The following HCN2 variants were observed in gnomAD, a reference collection of about 807,000 sequenced individuals.
HCN2 encodes the protein hyperpolarization activated cyclic nucleotide gated potassium and sodium channel 2, also known as potassium/sodium hyperpolarization-activated cyclic nucleotide-gated channel 2.
HCN2 carries 20 observed loss-of-function variants against 52.3 expected under a neutral mutation model. That is an observed-to-expected ratio of 0.38 (90% CI 0.27 to 0.56). HCN2 has a LOEUF of 0.56. HCN2 is among the 20% of genes least tolerant of loss of function. HCN2 has a pLI of 0.71. For missense variants in HCN2, 981 were observed against 1,207.7 expected, an observed-to-expected ratio of 0.81 and a Z score of 2.78; for synonymous variants, 694 against 537.0, an observed-to-expected ratio of 1.29 and a Z score of -4.04.
chr19:612,969 C>T (rs1444552192), intron 5 of HCN2, among the ~76,000 whole-genome samples: 1 of 152,124 alleles, frequency 6.6e-6, no homozygotes, highest in Non-Finnish European at 1.5e-5. Context: ...CGTGAGCCCC[C>T]GCACCCGGCC....
Position 592,229 on chromosome 19 carries a change from C to T in HCN2, c.632+1652C>T, listed in dbSNP as rs78430680. On this transcript the variant is annotated intron_variant, in intron 1 of 7. Transcript: ENST00000251287. The surrounding 1 kb of genome is among the most constrained non-coding windows in gnomAD (Gnocchi z 4.8). ...GCTGTAGAACGTGCCCACTCCCCTC[C>T]GTCCCCTCCAGCATGACCTTCGACA... 0.036 allele frequency among the ~76,000 whole-genome samples: 5,490 copies of T among 152,296 alleles called. 317 individuals carry two copies. The highest frequency in any genetic ancestry group is 0.12 in the African/African-American group (5,152 of 41,544).
chr19:616,272 C>T lies in HCN2; in HGVS notation c.2468C>T (p.Ser823Leu). The T allele has an allele frequency of 9.5e-7, 1 of 1,047,986 alleles. No homozygotes were observed. The highest frequency in any genetic ancestry group is 1.1e-6 in the Non-Finnish European group (1 of 873,380). The allele number at this position is 1,047,986 out of a possible 1,614,324, so 64.9% of individuals were successfully genotyped here. A position where few individuals can be genotyped will look rare whatever the true frequency, so the allele number is the denominator to read the frequency against. ...CGCGCGTCGCGCCCACTGTCCGCCT[C>T]GCAGCCCTCGCTGCCTCACGGCGCC... The part of the protein sequence containing the change: ...LSRASRPLSA[S>L]QPSLPHGAPG... Residue 823 changes from serine (S) to leucine (L), a missense_variant, in exon 8 of 8, where the codon TCG becomes TTG. Physicochemically the swap from Ser to Leu is moderately radical, Grantham distance 145. This residue lies in a region of HCN2 where 368 missense variants were observed against 314.8 expected (regional missense o/e 1.17). Coordinates refer to ENST00000251287, the MANE Select transcript of HCN2 (RefSeq NM_001194.4).
intron 1 of HCN2, among the ~76,000 whole-genome samples, chr19:595,768 G>C (rs1168679599): frequency 4.6e-5 from 7 of 152,128 alleles, no homozygotes; most frequent in African/African-American, 1.7e-4. Flanking sequence ...CTTAATCCTG[G>C]GCACCTGCCA....
At chr19:595,650 CTG>C (rs1444089458) in intron 1 of HCN2, among the ~76,000 whole-genome samples, 1 of 152,226 alleles carries the variant, frequency 6.6e-6, no homozygotes, top group Non-Finnish European at 1.5e-5. Context: ...GGGGCTGGGC[CTG>C]TGTGGTCATC....
chr19:602,197 TCTC>T (rs1259900583), intron 1 of HCN2, among the ~76,000 whole-genome samples: 1 of 113,882 alleles, frequency 8.8e-6, no homozygotes, highest in African/African-American at 3.2e-5. Context: ...CTCCCTCCTC[TCTC>T]CTCCTGCGTG....
chr19:614,917 C>T (rs1489311467), intron 7 of HCN2, among the ~76,000 whole-genome samples: 3 of 152,064 alleles, frequency 2.0e-5, no homozygotes, highest in Non-Finnish European at 2.9e-5. Context: ...GAATGAAGAC[C>T]ATGGCTGAAA....
rs1469893453 is a variant in HCN2 at position 616,254 on chromosome 19, C to T, written c.2450C>T (p.Ser817Leu). 15 of 1,018,648 alleles carry T rather than the reference C, an allele frequency of 1.5e-5. No individual in the cohort carries two copies. Among genetic ancestry groups the T allele is most frequent in the Admixed American group, 1.2e-4 (2 of 16,904 alleles). 63.1% of individuals were successfully genotyped at this position (1,018,648 alleles called of 1,614,324 possible). Residue 817 changes from serine to leucine, a missense_variant, in exon 8 of 8, where the codon TCG becomes TTG. This residue lies in a region of HCN2 where 368 missense variants were observed against 314.8 expected (regional missense o/e 1.17). Coordinates refer to ENST00000251287, the MANE Select transcript of HCN2 (RefSeq NM_001194.4). ...CCCGCGCGCCGCCTGAGCCGCGCGT[C>T]GCGCCCACTGTCCGCCTCGCAGCCC... ...ALPARRLSRA[S>L]RPLSASQPSL...
At position 590,033 on chromosome 19, in the gene HCN2, C is replaced by A; in HGVS notation, c.88C>A (p.Pro30Thr). ...PGPPPPPPPA[P>T]PQQQPPPPPP... ...GCCGCCGCCGCCGCCGCCGCCCGCG[C>A]CCCCCCAACAGCAGCCGCCGCCGCC... The change falls in exon 1 of 8, where the codon CCC becomes ACC. Residue 30 changes from proline to threonine, a missense_variant. By Grantham distance (38) the Pro-to-Thr change is conservative. Around this residue, in one of 6 missense-constraint regions of HCN2, gnomAD observed 215 missense variants for 179.4 expected, o/e 1.20. Transcript: ENST00000251287. This position sits in a 1 kb window ranked among gnomAD's most constrained non-coding sequence, Gnocchi z 7.2. 5.3e-6 allele frequency: 3 copies of A among 571,288 alleles called. No homozygotes were observed. The highest frequency in any genetic ancestry group is 6.5e-6 in the Non-Finnish European group (3 of 462,058). The allele number at this position is 571,288 out of a possible 1,614,324, so 35.4% of individuals were successfully genotyped here.
intron 6 of HCN2, among the ~76,000 whole-genome samples, 172 bp downstream of exon 6, chr19:613,660 GCC>G (rs1983758609): frequency 9.7e-6 from 1 of 103,272 alleles, no homozygotes; most frequent in Non-Finnish European, 2.0e-5. Flanking sequence ...TGGGGATGGG[GCC>G]GGGGATGGGG....
At chr19:594,953 T>C (rs888513278) in intron 1 of HCN2, among the ~76,000 whole-genome samples, 13 of 152,136 alleles carry the variant, frequency 8.5e-5, no homozygotes, top group Admixed American at 6.5e-4. Context: ...GTAATGCCAG[T>C]ACTTTGGGAG....
At position 610,246 on chromosome 19, in the gene HCN2, C is replaced by T. The variant is rs779841246; in HGVS notation, c.1438-13C>T. ...GGGGCGGTGTCTGACCCAGCCTCGC[C>T]TCCTCCCCACAGTACAAGCAGGTGG... On this transcript the variant is annotated splice_polypyrimidine_tract_variant and intron_variant, in intron 4 of 7. Transcript: ENST00000251287. 1 of 1,610,560 alleles carries T rather than the reference C, an allele frequency of 6.2e-7. No individual in the cohort carries two copies. Among genetic ancestry groups the T allele is most frequent in the Non-Finnish European group, 8.5e-7 (1 of 1,178,076 alleles).
At chr19:595,063 G>C (rs879760183) in intron 1 of HCN2, among the ~76,000 whole-genome samples, 7 of 151,882 alleles carry the variant, frequency 4.6e-5, no homozygotes, top group African/African-American at 1.5e-4. Flanking sequence ...TTAGCCAGGC[G>C]TGGTGGCGTG....
Position 616,043 on chromosome 19 carries a change from G to C in HCN2, c.2239G>C (p.Val747Leu), listed in dbSNP as rs757186207. The C allele has an allele frequency of 1.1e-5, 14 of 1,252,338 alleles. No individual in the cohort carries two copies. Among genetic ancestry groups the C allele is most frequent in the South Asian group, 3.1e-5 (1 of 31,930 alleles). The allele number at this position is 1,252,338 out of a possible 1,614,324, so 77.6% of individuals were successfully genotyped here. A position where few individuals can be genotyped will look rare whatever the true frequency, so the allele number is the denominator to read the frequency against. ...CTGCCCGCAGGTGGCGCGGCCGCTC[G>C]TGGGGCCGCTGGCGCTCGGCTCGCC... The part of the protein sequence containing the change: ...SFCPQVARPL[V>L]GPLALGSPRL... The change falls in exon 8 of 8, where the codon GTG (valine) becomes CTG (leucine). Residue 747 changes from valine to leucine, a missense_variant. Val to Leu is a conservative substitution (Grantham distance 32). Coordinates refer to ENST00000251287, the MANE Select transcript of HCN2 (RefSeq NM_001194.4).
In HCN2 at chr19:590,301, G is replaced by C. The variant is rs1982828331; in HGVS notation, c.356G>C (p.Arg119Pro). 4 of 1,001,744 alleles carry C rather than the reference G, an allele frequency of 4.0e-6. No individual in the cohort carries two copies. The highest frequency in any genetic ancestry group is 4.7e-6 in the Non-Finnish European group (4 of 842,734). The allele number at this position is 1,001,744 out of a possible 1,614,324, so 62.1% of individuals were successfully genotyped here. The change falls in exon 1 of 8, where the codon CGG (arginine) becomes CCG (proline). Residue 119 changes from arginine (R) to proline (P), a missense_variant. Arg to Pro is a moderately radical substitution (Grantham distance 103). Transcript: ENST00000251287. The surrounding 1 kb of genome is among the most constrained non-coding windows in gnomAD (Gnocchi z 7.2). ...CSPAGPEGPA[R>P]GPKVSFSCRG... ...CCCGCGGGGCCCGAGGGCCCGGCGC[G>C]GGGGCCCAAGGTGTCGTTCTCGTGC... is the stretch of plus-strand genomic sequence containing the variant.
At chr19:610,546 A>C (rs1983584271) in intron 5 of HCN2, 141 bp downstream of exon 5, 2 of 685,334 alleles carry the variant, frequency 2.9e-6, no homozygotes, top group Admixed American at 2.8e-5. Context: ...CTGCGTACAC[A>C]CCCTCCCCTC....
At position 616,112 on chromosome 19, in the gene HCN2, G is replaced by GCCT. The variant is rs1438646699; in HGVS notation, c.2310_2312dup (p.Ser771dup). The GCCT allele has an allele frequency of 1.5e-6, 1 of 669,744 alleles. No individual in the cohort carries two copies. The highest frequency in any genetic ancestry group is 7.7e-5 in the Admixed American group (1 of 13,008). 41.5% of individuals were successfully genotyped at this position (669,744 alleles called of 1,614,324 possible). A position where few individuals can be genotyped will look rare whatever the true frequency, so the allele number is the denominator to read the frequency against. Reference sequence around the variant, plus strand: ...GCCCCCGGGGCCCGCACCTGCCGCCGCCTCACCCGGGCCCCCGCCCCCCGC... The same window carrying GCCT: ...GCCCCCGGGGCCCGCACCTGCCGCCGCCTCCTCACCCGGGCCCCCGCCCCCCGC... On this transcript the variant is annotated inframe_insertion, in exon 8 of 8. Coordinates refer to ENST00000251287, the MANE Select transcript of HCN2 (RefSeq NM_001194.4).
At position 603,539 on chromosome 19, in the gene HCN2, C is replaced by G. The variant is rs1044408613; in HGVS notation, c.633-5C>G. 3 of 1,599,410 alleles carry G rather than the reference C, an allele frequency of 1.9e-6. No individual in the cohort carries two copies. Among genetic ancestry groups the G allele is most frequent in the African/African-American group, 1.3e-5 (1 of 74,646 alleles). ...GGCCTGAGGTGTGGGCACCCTCGCC[C>G]CCAGGTTCTACTGGGACTTCACCAT... On this transcript the variant is annotated splice_polypyrimidine_tract_variant and splice_region_variant and intron_variant, in intron 1 of 7. Coordinates refer to ENST00000251287, the MANE Select transcript of HCN2 (RefSeq NM_001194.4).
chr19:591,623 TG>T lies in HCN2; in HGVS notation c.632+1050del, dbSNP rs1235665784. Among the ~76,000 whole-genome samples, 1 of 150,960 alleles carries T rather than the reference TG, an allele frequency of 6.6e-6. No homozygotes were observed. The highest frequency in any genetic ancestry group is 1.5e-5 in the Non-Finnish European group (1 of 67,638). The stretch of plus-strand genomic sequence containing the variant: ...GGAGGGTGCAGGTGGAGGGTGTAGG[TG>T]GGGCCCGCCGGGCTAGCGAGGCCGG... On this transcript the variant is annotated intron_variant, in intron 1 of 7. Coordinates refer to ENST00000251287, the MANE Select transcript of HCN2 (RefSeq NM_001194.4). The surrounding 1 kb of genome is among the most constrained non-coding windows in gnomAD (Gnocchi z 4.1).
At chr19:599,498 G>C (rs925639463) in intron 1 of HCN2, among the ~76,000 whole-genome samples, 1 of 152,118 alleles carries the variant, frequency 6.6e-6, no homozygotes, top group African/African-American at 2.4e-5. Flanking sequence ...CTCAAGAATT[G>C]GCCGGGCGCG....
Sources: allele counts gnomAD v4.1 joint callset (sites outside exome capture counted in the v4.1 genomes callset), GRCh38; gene constraint gnomAD v4.1.1; regional missense constraint gnomAD v4.1.1; non-coding constraint Gnocchi (gnomAD v3.1); transcripts MANE v1.5; gene names NCBI Gene and HGNC (gene_info 2026-07-23, HGNC 2026-07-21).